Variants in MYOM2 observed in about 807,000 individuals in gnomAD.
MYOM2 encodes the protein myomesin 2.
MYOM2 carries 254 observed loss-of-function variants against 187.6 expected under a neutral mutation model. The observed-to-expected ratio is 1.35, with a 90% CI of 1.22 to 1.50. The LOEUF (loss-of-function observed/expected upper bound fraction) is 1.50, where lower values mean the gene tolerates loss of function less well. Among genes scored for constraint, MYOM2 ranks in the 40% most tolerant of loss-of-function variants. The probability of loss-of-function intolerance (pLI) is 0.00; values close to 1 mark genes in which losing one functional copy is unlikely to be tolerated. For synonymous variants in MYOM2, 981 were observed against 753.8 expected (o/e 1.30, Z -4.94); for missense variants, 2,796 against 1,924.0 (o/e 1.45, Z -8.48).
At chr8:2,095,827 C>G (rs1208865288) in intron 17 of MYOM2, among the ~76,000 whole-genome samples, 1 of 152,162 alleles carries the variant, frequency 6.6e-6, no homozygotes, top group Non-Finnish European at 1.5e-5. Flanking sequence ...TTAAAACAAA[C>G]TGGAATCGTA....
In MYOM2 at chr8:2,106,339, T is replaced by C; in HGVS notation, c.2832T>C (p.Cys944=). ...EMTDASQFTW[C]KSYEEISDDE... Reference sequence around the variant, plus strand: ...CAGACGCGTCTCAGTTCACCTGGTGTAAATCCTACGAGGAGATTTCAGATG... The same window carrying C: ...CAGACGCGTCTCAGTTCACCTGGTGCAAATCCTACGAGGAGATTTCAGATG... Residue 944 remains cysteine, a synonymous_variant, in exon 22 of 37, where the codon TGT becomes TGC. Coordinates refer to ENST00000262113, the MANE Select transcript of MYOM2 (RefSeq NM_003970.4). 6.2e-7 allele frequency: 1 copy of C among 1,614,202 alleles called. No individual in the cohort carries two copies. The highest frequency in any genetic ancestry group is 8.5e-7 in the Non-Finnish European group (1 of 1,180,020).
chr8:2,128,556 C>T (rs1205782058), intron 31 of MYOM2, among the ~76,000 whole-genome samples: 2 of 152,340 alleles, frequency 1.3e-5, no homozygotes, highest in East Asian at 1.9e-4. Flanking sequence ...AGATCATCTA[C>T]CTCAAGCGAA....
chr8:2,117,128 A>C (rs906868395), intron 27 of MYOM2, among the ~76,000 whole-genome samples: 1 of 151,066 alleles, frequency 6.6e-6, no homozygotes, highest in Non-Finnish European at 1.5e-5. Flanking sequence ...TGAATTATGA[A>C]ACATAAAATC....
At chr8:2,122,984 G>T (rs961027708) in intron 28 of MYOM2, among the ~76,000 whole-genome samples, 1 of 10,880 alleles carries the variant, frequency 9.2e-5, no homozygotes, top group Non-Finnish European at 2.0e-4. Flanking sequence ...TTTATGCCTA[G>T]TCTAATTTCA....
intron 32 of MYOM2, among the ~76,000 whole-genome samples, chr8:2,133,176 A>G (rs1363471410): frequency 6.6e-6 from 1 of 152,188 alleles, no homozygotes; most frequent in Non-Finnish European, 1.5e-5. Flanking sequence ...GCTGCTGGGT[A>G]TGTTAAGGTC....
chr8:2,061,507 T>A (rs1430396153), intron 6 of MYOM2, among the ~76,000 whole-genome samples: 1 of 152,142 alleles, frequency 6.6e-6, no homozygotes, highest in East Asian at 1.9e-4. Flanking sequence ...CCTGGGGCGG[T>A]GGCTTCAGCC....
intron 6 of MYOM2, among the ~76,000 whole-genome samples, chr8:2,066,854 T>C (rs375730670): frequency 1.3e-5 from 2 of 152,242 alleles, no homozygotes; most frequent in African/African-American, 2.4e-5. Flanking sequence ...TGTGGTGATC[T>C]GGAAATAGGA....
intron 13 of MYOM2, among the ~76,000 whole-genome samples, chr8:2,081,376 G>T (rs952098659): frequency 9.4e-5 from 14 of 148,826 alleles, no homozygotes; most frequent in African/African-American, 3.5e-4. Flanking sequence ...AATGAGGTTT[G>T]GTTCTGGCCT....
Position 2,099,013 on chromosome 8 carries a change from T to C in MYOM2, c.2440+30T>C, listed in dbSNP as rs762487214. The C allele has an allele frequency of 2.3e-5, 36 of 1,577,626 alleles. No individual in the cohort carries two copies. In the African/African-American group the frequency reaches 3.8e-4, roughly 17 times the overall value. ...GTCGCTGCCCCCAGGACACCCGCGT[T>C]CCAGCGCACAGGCTGGCTGGGAAGG... On this transcript the variant is annotated intron_variant, in intron 19 of 36. Coordinates refer to ENST00000262113, the MANE Select transcript of MYOM2 (RefSeq NM_003970.4).
At chr8:2,132,454 A>G (rs150292655) in intron 32 of MYOM2, among the ~76,000 whole-genome samples, 314 of 152,328 alleles carry the variant, frequency 2.1e-3, no homozygotes, top group South Asian at 4.8e-3. Context: ...AAGAGAAAAG[A>G]TTTTGTTCTC....
At chr8:2,047,743 C>T (rs1334843140) in intron 1 of MYOM2, among the ~76,000 whole-genome samples, 3 of 152,204 alleles carry the variant, frequency 2.0e-5, no homozygotes, top group Admixed American at 6.5e-5. Flanking sequence ...CCCGGGGAGA[C>T]TTCCACAGTA....
Position 2,073,512 on chromosome 8 carries a change from A to T in MYOM2, c.1120+12A>T. Reference sequence around the variant, plus strand: ...CCTGTTTGTCAGAGGTGCGGGCAGCAGGGTTCTCAGGGTGCAGACCTTGTG... The same window carrying T: ...CCTGTTTGTCAGAGGTGCGGGCAGCTGGGTTCTCAGGGTGCAGACCTTGTG... On this transcript the variant is annotated intron_variant, in intron 10 of 36. Coordinates refer to ENST00000262113, the MANE Select transcript of MYOM2 (RefSeq NM_003970.4). 1.3e-6 allele frequency: 2 copies of T among 1,587,940 alleles called. No homozygotes were observed. The highest frequency in any genetic ancestry group is 1.7e-6 in the Non-Finnish European group (2 of 1,174,670).
At chr8:2,138,421 A>G (rs1015067316) in intron 32 of MYOM2, among the ~76,000 whole-genome samples, 2 of 152,194 alleles carry the variant, frequency 1.3e-5, no homozygotes, top group Admixed American at 6.5e-5. Flanking sequence ...CAGGTCAGCA[A>G]CGTATAGAAT....
At position 2,144,733 on chromosome 8, in the gene MYOM2, G is replaced by A. The variant is rs768966873; in HGVS notation, c.4150G>A (p.Asp1384Asn). 5.6e-5 allele frequency: 90 copies of A among 1,613,674 alleles called. No homozygotes were observed. The highest frequency in any genetic ancestry group is 7.4e-5 in the Non-Finnish European group (87 of 1,180,032). The change falls in exon 37 of 37, where the codon GAC becomes AAC. Residue 1384 changes from aspartate (D) to asparagine (N), a missense_variant. Coordinates refer to ENST00000262113, the MANE Select transcript of MYOM2 (RefSeq NM_003970.4). ...PEVIWFKNDQ[D>N]IQLSEHFSVK... Reference sequence around the variant, plus strand: ...AGTGATTTGGTTCAAGAACGACCAGGACATCCAGCTCAGCGAGCACTTCTC... The same window carrying A: ...AGTGATTTGGTTCAAGAACGACCAGAACATCCAGCTCAGCGAGCACTTCTC...
intron 13 of MYOM2, among the ~76,000 whole-genome samples, chr8:2,081,120 T>C (rs1819610225): frequency 7.6e-6 from 1 of 131,618 alleles, no homozygotes; most frequent in Non-Finnish European, 1.6e-5. Context: ...TGAGGTTGGT[T>C]CTGGCCTGCG....
chr8:2,073,270 G>A (rs1438898943), intron 9 of MYOM2, 69 bp from the exon 10 acceptor site: 3 of 1,524,486 alleles, frequency 2.0e-6, no homozygotes, highest in Non-Finnish European at 2.7e-6. Context: ...CGACGCTGGT[G>A]TCCCCGAGGC....
At chr8:2,104,391 A>G (rs1796822987) in intron 21 of MYOM2, among the ~76,000 whole-genome samples, 2 of 152,062 alleles carry the variant, frequency 1.3e-5, no homozygotes, top group South Asian at 4.1e-4. Context: ...TCACGAGGTC[A>G]GGAGATCGAG....
chr8:2,065,446 T>C (rs1350740687), intron 6 of MYOM2, among the ~76,000 whole-genome samples: 2 of 152,136 alleles, frequency 1.3e-5, no homozygotes, highest in African/African-American at 4.8e-5. Context: ...GGTGCGCACC[T>C]GTAATCCCAG....
At position 2,051,376 on chromosome 8, in the gene MYOM2, G is replaced by A. The variant is rs571495623; in HGVS notation, c.107+503G>A. Among the ~76,000 whole-genome samples, 38 of 152,220 alleles carry A rather than the reference G, an allele frequency of 2.5e-4. 1 individual carries two copies. The highest frequency in any genetic ancestry group is 9.1e-4 in the African/African-American group (38 of 41,534). On this transcript the variant is annotated intron_variant, in intron 2 of 36. Coordinates refer to ENST00000262113, the MANE Select transcript of MYOM2 (RefSeq NM_003970.4). ...ACCTGCATCTTCCGGAAGCTTCTCG[G>A]GGATGGCCTCATACAGGATGGCAGC...
Sources: gnomAD v4.1 joint callset for allele counts (sites outside exome capture counted in the v4.1 genomes callset) on GRCh38, gnomAD v4.1.1 for gene constraint, MANE v1.5 for transcripts, NCBI Gene and HGNC (gene_info 2026-07-23, HGNC 2026-07-21) for gene names.